SERGEF: variants seen among roughly 807,000 people sequenced by gnomAD.
SERGEF encodes the protein secretion-regulating guanine nucleotide exchange factor.
A neutral mutation model predicts 50.0 loss-of-function variants in SERGEF; 51 were observed. That is an observed-to-expected ratio of 1.02 (90% confidence interval 0.81 to 1.29). SERGEF has a LOEUF of 1.29. Among genes scored for constraint, SERGEF ranks in the 50% most tolerant of loss-of-function variants. The pLI, the probability that SERGEF is intolerant of heterozygous loss-of-function variation, is 0.00. For missense variants in SERGEF, 521 were observed against 557.0 expected, an observed-to-expected ratio of 0.94 and a Z score of 0.65; for synonymous variants, 205 against 212.4, an observed-to-expected ratio of 0.97 and a Z score of 0.30.
intron 10 of SERGEF, among the ~76,000 whole-genome samples, chr11:17,800,914 G>A (rs1849656435): frequency 6.6e-6 from 1 of 152,178 alleles, no homozygotes; most frequent in South Asian, 2.1e-4. Context: ...TGAAGGGGAA[G>A]GCCGGGCACG....
At chr11:17,904,151 T>G (rs1851797623) in intron 9 of SERGEF, among the ~76,000 whole-genome samples, 1 of 152,170 alleles carries the variant, frequency 6.6e-6, no homozygotes, top group South Asian at 2.1e-4. Flanking sequence ...CTGTGTTGAT[T>G]TTGTATCAGA....
chr11:17,816,072 C>T (rs1051555870), intron 10 of SERGEF, among the ~76,000 whole-genome samples: 3 of 152,174 alleles, frequency 2.0e-5, no homozygotes, highest in Non-Finnish European at 2.9e-5. Context: ...AGTGGGAAGA[C>T]TGCACTCTGC....
At chr11:17,793,233 G>GGGGCAGCA (rs1336353719) in intron 10 of SERGEF, among the ~76,000 whole-genome samples, 1 of 152,220 alleles carries the variant, frequency 6.6e-6, no homozygotes, top group Admixed American at 6.5e-5. Flanking sequence ...AGGAGATGGA[G>GGGGCAGCA]GGGCAGCAGC....
chr11:17,810,471 A>G (rs1185925223), intron 10 of SERGEF, among the ~76,000 whole-genome samples: 1 of 152,222 alleles, frequency 6.6e-6, no homozygotes, highest in Non-Finnish European at 1.5e-5. Flanking sequence ...TAAATTTCAG[A>G]GCAGCAAGGG....
At chr11:17,972,061 T>C (rs1853258423) in intron 8 of SERGEF, among the ~76,000 whole-genome samples, 1 of 152,232 alleles carries the variant, frequency 6.6e-6, no homozygotes, top group Non-Finnish European at 1.5e-5. Context: ...TGCAATCTCA[T>C]GATCAAACTT....
Position 17,884,166 on chromosome 11 carries a change from A to G in SERGEF, c.1012-5922T>C, listed in dbSNP as rs1851386494. ...GCTGATTGGTTCTCGCCGGGTGCCA[A>G]TGAGCCCGGGCGCCTTCAGGTGCTA... is the stretch of plus-strand genomic sequence containing the variant. On this transcript the variant is annotated intron_variant, in intron 9 of 10. Transcript: ENST00000265965. This position sits in a 1 kb window ranked among gnomAD's most constrained non-coding sequence, Gnocchi z 4.6. 6.6e-6 allele frequency among the ~76,000 whole-genome samples: 1 copy of G among 152,212 alleles called. No homozygotes were observed. Among genetic ancestry groups the G allele is most frequent in the African/African-American group, 2.4e-5 (1 of 41,466 alleles).
chr11:17,916,413 G>C (rs181834560), intron 9 of SERGEF, among the ~76,000 whole-genome samples: 1 of 152,312 alleles, frequency 6.6e-6, no homozygotes, highest in East Asian at 1.9e-4. Flanking sequence ...AAGAGAAGCA[G>C]AGTAGCTGAT....
chr11:17,814,770 A>C (rs1849933578), intron 10 of SERGEF, among the ~76,000 whole-genome samples: 1 of 152,218 alleles, frequency 6.6e-6, no homozygotes, highest in Non-Finnish European at 1.5e-5. Context: ...GGCCAAAGCA[A>C]ATAATGTTGC....
intron 9 of SERGEF, among the ~76,000 whole-genome samples, chr11:17,905,523 C>A (rs1267591253): frequency 6.6e-6 from 1 of 152,192 alleles, no homozygotes; most frequent in South Asian, 2.1e-4. Context: ...AGGAAGGATG[C>A]AGTTATCTGG....
At chr11:18,011,280 G>A (rs754123372) in intron 1 of SERGEF, among the ~76,000 whole-genome samples, 3 of 152,066 alleles carry the variant, frequency 2.0e-5, no homozygotes, top group Non-Finnish European at 4.4e-5. Flanking sequence ...GCCTTTAAAG[G>A]GGCAATTAAG....
intron 10 of SERGEF, among the ~76,000 whole-genome samples, chr11:17,801,757 CGTGT>C (rs1164895766): frequency 1.3e-5 from 2 of 152,092 alleles, no homozygotes; most frequent in East Asian, 1.9e-4. Flanking sequence ...CCTGGGAAAC[CGTGT>C]GAATAACAAA....
intron 9 of SERGEF, among the ~76,000 whole-genome samples, chr11:17,908,981 T>C (rs1200214226): frequency 6.6e-6 from 1 of 152,080 alleles, no homozygotes; most frequent in African/African-American, 2.4e-5. Context: ...TAAAAAGGTA[T>C]AGAAGCAGCA....
At chr11:17,889,561 G>A (rs1450111303) in intron 9 of SERGEF, among the ~76,000 whole-genome samples, 1 of 152,144 alleles carries the variant, frequency 6.6e-6, no homozygotes, top group African/African-American at 2.4e-5. Context: ...AATAAAGGAG[G>A]CAAGGGGACA....
At chr11:17,791,071 C>A (rs746478963) in intron 10 of SERGEF, among the ~76,000 whole-genome samples, 2 of 152,162 alleles carry the variant, frequency 1.3e-5, no homozygotes, top group Non-Finnish European at 2.9e-5. Flanking sequence ...TGTCTCTTCA[C>A]TTGGTTTATG....
intron 10 of SERGEF, among the ~76,000 whole-genome samples, chr11:17,846,105 T>C (rs550985869): frequency 3.3e-5 from 5 of 152,330 alleles, no homozygotes; most frequent in African/African-American, 9.6e-5. Context: ...TGGTGCTCTC[T>C]AGCTGGGGAG....
At chr11:17,913,785 C>T (rs1306073361) in intron 9 of SERGEF, among the ~76,000 whole-genome samples, 1 of 152,134 alleles carries the variant, frequency 6.6e-6, no homozygotes, top group Non-Finnish European at 1.5e-5. Flanking sequence ...AGCCCTCACA[C>T]AGCCTGGTTG....
intron 9 of SERGEF, among the ~76,000 whole-genome samples, chr11:17,937,096 TTAAA>T (rs770404784): frequency 7.3e-4 from 111 of 152,152 alleles, no homozygotes; most frequent in Middle Eastern, 3.4e-3. Flanking sequence ...TTTTTAAATG[TTAAA>T]TAGTTACTTT....
At chr11:17,968,220 C>A (rs1454151069) in intron 8 of SERGEF, among the ~76,000 whole-genome samples, 1 of 152,256 alleles carries the variant, frequency 6.6e-6, no homozygotes, top group South Asian at 2.1e-4. Flanking sequence ...ATTGCTGTTA[C>A]CACCAAGGAT....
intron 8 of SERGEF, among the ~76,000 whole-genome samples, chr11:17,982,854 A>C (rs1853519387): frequency 6.6e-6 from 1 of 152,224 alleles, no homozygotes; most frequent in Non-Finnish European, 1.5e-5. Flanking sequence ...AACCTCAATC[A>C]AAAGGATATA....
Sources: gnomAD v4.1 joint callset for allele counts (sites outside exome capture counted in the v4.1 genomes callset) on GRCh38, gnomAD v4.1.1 for gene constraint, Gnocchi (gnomAD v3.1) non-coding constraint, MANE v1.5 for transcripts, NCBI Gene and HGNC (gene_info 2026-07-23, HGNC 2026-07-21) for gene names.